SCLY: variants seen among roughly 807,000 people sequenced by gnomAD.
The protein encoded by SCLY is selenocysteine lyase.
Under a neutral mutation model 50.1 loss-of-function variants are expected in SCLY, and 38 were observed. The ratio of observed to expected loss-of-function variants is 0.76; its 90% confidence interval spans 0.59 to 0.99. The LOEUF (loss-of-function observed/expected upper bound fraction) is 0.99, where lower values mean the gene tolerates loss of function less well. Among genes scored for constraint, SCLY ranks in the 50% least tolerant of loss-of-function variants. The probability of loss-of-function intolerance (pLI) is 0.00; values close to 1 mark genes in which losing one functional copy is unlikely to be tolerated. For missense variants in SCLY, 600 were observed against 620.0 expected (o/e 0.97, Z 0.34); for synonymous variants, 243 against 249.4 (o/e 0.97, Z 0.24).
rs2106461031 is a variant in SCLY, at chr2:238,099,107, T to G, written c.*752T>G. ...TCCCCAGGCCTTCCTGTCTTGTCCC[T>G]TTTGATCATTATTAACTCAGGGTTT... On this transcript the variant is annotated 3_prime_UTR_variant, in exon 12 of 12. Coordinates refer to ENST00000254663, the MANE Select transcript of SCLY (RefSeq NM_016510.7). The G allele has an allele frequency of 3.0e-6, 1 of 329,906 alleles. No individual in the cohort carries two copies. Among genetic ancestry groups the G allele is most frequent in the East Asian group, 7.5e-5 (1 of 13,258 alleles). The allele number at this position is 329,906 out of a possible 1,614,324, so 20.4% of individuals were successfully genotyped here. A position where few individuals can be genotyped will look rare whatever the true frequency, so the allele number is the denominator to read the frequency against.
chr2:238,091,554 C>CT, intron 8 of SCLY: 20 of 349,628 alleles, frequency 5.7e-5, no homozygotes, highest in South Asian at 2.1e-4. Context: ...GTTCACCATT[C>CT]CCAAAGGCGT....
intron 8 of SCLY, chr2:238,093,153 A>G (rs1179488476): frequency 6.6e-6 from 1 of 152,556 alleles, no homozygotes; most frequent in African/African-American, 2.4e-5. Flanking sequence ...ATTCCAGAAT[A>G]CACCCACTAC....
At chr2:238,070,408 G>T (rs927528694) in intron 4 of SCLY, among the ~76,000 whole-genome samples, 1 of 152,192 alleles carries the variant, frequency 6.6e-6, no homozygotes, top group Non-Finnish European at 1.5e-5. Flanking sequence ...GCTGGGCGCA[G>T]TGGCTCAAGC....
In SCLY at chr2:238,099,247, A is replaced by G. The variant is rs1691387168; in HGVS notation, c.*892A>G. The G allele has an allele frequency of 2.1e-6, 1 of 471,292 alleles. No homozygotes were observed. The highest frequency in any genetic ancestry group is 1.6e-5 in the South Asian group (1 of 64,352). The allele number at this position is 471,292 out of a possible 1,614,324, so 29.2% of individuals were successfully genotyped here. ...ATTTGCAGAGGATTCTTTTCTCAAA[A>G]TGCTCTGGCATTTGGACACACATCA... On this transcript the variant is annotated 3_prime_UTR_variant, in exon 12 of 12. Coordinates refer to ENST00000254663, the MANE Select transcript of SCLY (RefSeq NM_016510.7).
chr2:238,077,283 T>G lies in SCLY; in HGVS notation c.485-4426T>G, dbSNP rs573180785. 3.3e-5 allele frequency among the ~76,000 whole-genome samples: 5 copies of G among 152,368 alleles called. No homozygotes were observed. The East Asian group carries it at 9.6e-4, about 29-fold the overall frequency. On this transcript the variant is annotated intron_variant, in intron 4 of 11. Coordinates refer to ENST00000254663, the MANE Select transcript of SCLY (RefSeq NM_016510.7). ...TGGTAACTTTTTAAATCCCTTTTAT[T>G]TTATGTAAGTATAGTCATTCCAACT...
At chr2:238,061,473 C>T (rs2065017787) in intron 1 of SCLY, 1 of 424,498 alleles carries the variant, frequency 2.4e-6, no homozygotes, top group South Asian at 2.0e-5. Context: ...GGAGGTGAAC[C>T]GGCAGAGCCC....
Position 238,098,623 on chromosome 2 carries a change from C to CGCCCACATGGGAACGCCCACATGGGAA in SCLY, c.*268_*269insGCCCACATGGGAACGCCCACATGGGAA, listed in dbSNP as rs1559254704. The CGCCCACATGGGAACGCCCACATGGGAA allele has an allele frequency of 4.3e-6, 1 of 230,300 alleles. No homozygotes were observed. The highest frequency in any genetic ancestry group is 3.6e-5 in the African/African-American group (1 of 27,972). The allele number at this position is 230,300 out of a possible 1,614,324, so 14.3% of individuals were successfully genotyped here. A position where few individuals can be genotyped will look rare whatever the true frequency, so the allele number is the denominator to read the frequency against. ...CCCACATAGGACCGCCCACATGGGA[C>CGCCCACATGGGAACGCCCACATGGGAA]CGCCCACATGGGACCGCCCACATGG... On this transcript the variant is annotated 3_prime_UTR_variant, in exon 12 of 12. Transcript: ENST00000254663.
chr2:238,077,385 A>G (rs1193032226), intron 4 of SCLY, among the ~76,000 whole-genome samples: 1 of 152,090 alleles, frequency 6.6e-6, no homozygotes, highest in Non-Finnish European at 1.5e-5. Context: ...TAAATCTGAC[A>G]TGTTGTAATA....
chr2:238,098,149 G>C (rs941175962), intron 11 of SCLY, 53 bp from the exon 12 acceptor site: 1 of 1,585,102 alleles, frequency 6.3e-7, no homozygotes, highest in South Asian at 1.1e-5. Flanking sequence ...GGGGGGCTGT[G>C]TCTCTTCCAT....
chr2:238,085,472 A>G (rs982103350), intron 7 of SCLY, among the ~76,000 whole-genome samples: 2 of 151,796 alleles, frequency 1.3e-5, no homozygotes, highest in Non-Finnish European at 1.5e-5. Context: ...TAATCCCAGC[A>G]CTTTGGGAGG....
At chr2:238,071,790 A>G (rs2065130368) in intron 4 of SCLY, among the ~76,000 whole-genome samples, 1 of 152,178 alleles carries the variant, frequency 6.6e-6, no homozygotes, top group Non-Finnish European at 1.5e-5. Flanking sequence ...AGCATCCTCA[A>G]TGTAAAAATA....
chr2:238,091,561 G>GCTAT, intron 8 of SCLY: 13 of 302,670 alleles, frequency 4.3e-5, no homozygotes, highest in Admixed American at 1.4e-4. Context: ...ATTCCCAAAG[G>GCTAT]CGTCGGCAGC....
At chr2:238,081,684 T>C (rs1228916145) in intron 4 of SCLY, 25 bp from the exon 5 acceptor site, 1 of 1,609,216 alleles carries the variant, frequency 6.2e-7, no homozygotes. Context: ...TGCAGCTCAG[T>C]TCGGTACTCA....
intron 7 of SCLY, among the ~76,000 whole-genome samples, chr2:238,090,122 A>T (rs1021369991): frequency 6.6e-6 from 1 of 152,222 alleles, no homozygotes; most frequent in Non-Finnish European, 1.5e-5. Flanking sequence ...AAATATAAAC[A>T]GACATTTCAC....
At chr2:238,097,115 A>AG (rs35961987) in intron 11 of SCLY, among the ~76,000 whole-genome samples, 2 of 117,828 alleles carry the variant, frequency 1.7e-5, no homozygotes, top group African/African-American at 6.6e-5. Flanking sequence ...CTGAAGGCGG[A>AG]GGGAGGGCAG....
At chr2:238,081,673 G>T (rs755354173) in intron 4 of SCLY, 36 bp from the exon 5 acceptor site, 1 of 1,598,104 alleles carries the variant, frequency 6.3e-7, no homozygotes, top group African/African-American at 1.3e-5. Flanking sequence ...GAATCAATTT[G>T]TGCAGCTCAG....
At chr2:238,084,463 T>C (rs2248824) in intron 7 of SCLY, among the ~76,000 whole-genome samples, 130,519 of 151,344 alleles carry the variant, frequency 0.86, 56,439 homozygotes, top group East Asian at 0.97. Flanking sequence ...TGGTGGCGCA[T>C]GCCTGTAATC....
chr2:238,089,594 G>C (rs2065341086), intron 7 of SCLY, among the ~76,000 whole-genome samples: 2 of 151,428 alleles, frequency 1.3e-5, no homozygotes. Context: ...TTTGAATGTA[G>C]CCCAACACAA....
chr2:238,063,396 C>T (rs921339763), intron 1 of SCLY, among the ~76,000 whole-genome samples: 1 of 151,848 alleles, frequency 6.6e-6, no homozygotes, highest in Non-Finnish European at 1.5e-5. Context: ...CTAATGTTTG[C>T]ATTTTTAGTA....
Sources: gnomAD v4.1 joint callset for allele counts (sites outside exome capture counted in the v4.1 genomes callset) on GRCh38, gnomAD v4.1.1 for gene constraint, MANE v1.5 for transcripts, NCBI Gene and HGNC (gene_info 2026-07-23, HGNC 2026-07-21) for gene names.